Variants in PRKAA2 observed in about 807,000 individuals in gnomAD.
The protein encoded by PRKAA2 is protein kinase AMP-activated catalytic subunit alpha 2.
In PRKAA2, 40 loss-of-function variants were observed where a neutral mutation model predicts 56.3. The ratio of observed to expected loss-of-function variants is 0.71; its 90% CI spans 0.55 to 0.92. PRKAA2 has a LOEUF of 0.92. Ranked by LOEUF, PRKAA2 falls within the 40% of genes least tolerant of loss-of-function variation. The probability of loss-of-function intolerance (pLI) is 0.00; values close to 1 mark genes in which losing one functional copy is unlikely to be tolerated. For missense variants in PRKAA2, 542 were observed against 686.9 expected, an observed-to-expected ratio of 0.79 and a Z score of 2.36; for synonymous variants, 214 against 234.2, an observed-to-expected ratio of 0.91 and a Z score of 0.79.
chr1:56,681,788 G>C (rs928221976), intron 2 of PRKAA2, among the ~76,000 whole-genome samples: 5 of 152,152 alleles, frequency 3.3e-5, no homozygotes, highest in African/African-American at 1.2e-4. Context: ...GTCAGTTAGC[G>C]TGATGCCTCC....
rs773567229 is a variant in PRKAA2, at chr1:56,645,376, C to T, written c.-12C>T. ...AGCGGCAGGCGGTGGAGCGAGGCCG[C>T]GCGCGCCGAAGATGGCTGAGAAGCA... On this transcript the variant is annotated 5_prime_UTR_variant, in exon 1 of 9. Coordinates refer to ENST00000371244, the MANE Select transcript of PRKAA2 (RefSeq NM_006252.4). The T allele has an allele frequency of 1.4e-6, 2 of 1,463,920 alleles. No individual in the cohort carries two copies. The highest frequency in any genetic ancestry group is 1.2e-5 in the South Asian group (1 of 80,096). The allele number at this position is 1,463,920 out of a possible 1,614,324, so 90.7% of individuals were successfully genotyped here.
At chr1:56,681,925 G>A (rs1644158011) in intron 2 of PRKAA2, among the ~76,000 whole-genome samples, 1 of 151,806 alleles carries the variant, frequency 6.6e-6, no homozygotes, top group Non-Finnish European at 1.5e-5. Context: ...GGATGGCATT[G>A]AATCTATAAT....
intron 6 of PRKAA2, among the ~76,000 whole-genome samples, chr1:56,700,908 G>A (rs552508920): frequency 6.6e-6 from 1 of 152,272 alleles, no homozygotes; most frequent in Admixed American, 6.5e-5. Context: ...CTGCCCAGGA[G>A]CTGGACAAAG....
Position 56,691,397 on chromosome 1 carries a change from C to T in PRKAA2, c.240C>T (p.Tyr80=). The T allele has an allele frequency of 6.2e-7, 1 of 1,607,118 alleles. No individual in the cohort carries two copies. Among genetic ancestry groups the T allele is most frequent in the Non-Finnish European group, 8.5e-7 (1 of 1,175,744 alleles). Residue 80 remains tyrosine, a synonymous_variant, in exon 3 of 9, where the codon TAC becomes TAT. Transcript: ENST00000371244. The part of the protein sequence containing the change: ...LFRHPHIIKL[Y]QVISTPTDFF... ...CTTTTTTTAATTAACAAAAAAGATA[C>T]CAGGTGATCAGCACTCCAACAGATT...
At chr1:56,661,834 A>G (rs1643996659) in intron 1 of PRKAA2, among the ~76,000 whole-genome samples, 2 of 152,030 alleles carry the variant, frequency 1.3e-5, no homozygotes, top group African/African-American at 2.4e-5. Flanking sequence ...TTGAGATGCA[A>G]TACTTTTGAA....
intron 1 of PRKAA2, among the ~76,000 whole-genome samples, chr1:56,654,131 A>C (rs1019054876): frequency 3.3e-5 from 5 of 152,112 alleles, no homozygotes; most frequent in African/African-American, 9.7e-5. Context: ...CTTTATCTTA[A>C]CATATCCATA....
intron 1 of PRKAA2, among the ~76,000 whole-genome samples, chr1:56,665,793 A>G (rs951586420): frequency 1.3e-5 from 2 of 152,286 alleles, no homozygotes; most frequent in Non-Finnish European, 2.9e-5. Flanking sequence ...CTGATGACCC[A>G]TGATATTGAG....
chr1:56,650,777 A>G lies in PRKAA2; in HGVS notation c.94+5296A>G, dbSNP rs1646681156. On this transcript the variant is annotated intron_variant, in intron 1 of 8. Coordinates refer to ENST00000371244, the MANE Select transcript of PRKAA2 (RefSeq NM_006252.4). ...GTCGGCAAAGTCTCACGAAGAAGTTACCCTTTCCATTTTTCAAATAGTTAC... is the reference window on the plus strand; with the variant it reads ...GTCGGCAAAGTCTCACGAAGAAGTTGCCCTTTCCATTTTTCAAATAGTTAC... Among the ~76,000 whole-genome samples, 3 of 152,310 alleles carry G rather than the reference A, an allele frequency of 2.0e-5. No homozygotes were observed. The South Asian group carries it at 6.2e-4, about 32-fold the overall frequency.
At chr1:56,683,071 ATTTTTTTTTTT>A (rs10606990) in intron 2 of PRKAA2, among the ~76,000 whole-genome samples, 28 of 87,212 alleles carry the variant, frequency 3.2e-4, no homozygotes, top group Admixed American at 6.1e-4. Context: ...AAAGAAAGGA[ATTTTTTTTTTT>A]TTTTTTTTTT....
chr1:56,651,187 T>A (rs1432103232), intron 1 of PRKAA2, among the ~76,000 whole-genome samples: 1 of 152,182 alleles, frequency 6.6e-6, no homozygotes, highest in Non-Finnish European at 1.5e-5. Flanking sequence ...TCCAAAAAAA[T>A]GGGTATATTT....
chr1:56,696,336 G>A (rs1474508123), intron 6 of PRKAA2, among the ~76,000 whole-genome samples, 177 bp downstream of exon 6: 1 of 152,030 alleles, frequency 6.6e-6, no homozygotes, highest in Non-Finnish European at 1.5e-5. Context: ...ATGCCTTCAT[G>A]TCTTTGTTTA....
chr1:56,659,460 G>A (rs1451126741), intron 1 of PRKAA2, among the ~76,000 whole-genome samples: 4 of 145,742 alleles, frequency 2.7e-5, no homozygotes, highest in Admixed American at 1.4e-4. Context: ...TCATGCCACC[G>A]CACTCTAGCC....
intron 2 of PRKAA2, among the ~76,000 whole-genome samples, chr1:56,683,455 A>T (rs946608262): frequency 3.3e-5 from 5 of 152,172 alleles, no homozygotes; most frequent in Non-Finnish European, 5.9e-5. Context: ...TTTGGTGCAC[A>T]GAGTATGTAT....
chr1:56,690,852 C>T (rs1382434025), intron 2 of PRKAA2, among the ~76,000 whole-genome samples: 1 of 152,170 alleles, frequency 6.6e-6, no homozygotes, highest in African/African-American at 2.4e-5. Context: ...CAACATGAAG[C>T]CTATGCTTTT....
rs545184572 is a variant in PRKAA2 at position 56,678,431 on chromosome 1, T to A, written c.236+3909T>A. Among the ~76,000 whole-genome samples, 12 of 152,234 alleles carry A rather than the reference T, an allele frequency of 7.9e-5. No homozygotes were observed. The East Asian group carries it at 1.4e-3, about 17-fold the overall frequency. ...TTAGCAAGAAAGTTTGAGCATTGAA[T>A]GCCAAGAATGAAGGATATTTATTGC... On this transcript the variant is annotated intron_variant, in intron 2 of 8. Coordinates refer to ENST00000371244, the MANE Select transcript of PRKAA2 (RefSeq NM_006252.4).
At chr1:56,694,538 T>C (rs1426029915) in intron 5 of PRKAA2, among the ~76,000 whole-genome samples, 1 of 152,140 alleles carries the variant, frequency 6.6e-6, no homozygotes, top group African/African-American at 2.4e-5. Context: ...ACAACAGAAA[T>C]GTATTTCTCA....
intron 2 of PRKAA2, among the ~76,000 whole-genome samples, chr1:56,682,920 G>T (rs985156340): frequency 1.3e-5 from 2 of 152,104 alleles, no homozygotes; most frequent in African/African-American, 4.8e-5. Context: ...CACTGTGTTG[G>T]ACAGAGCAGA....
At chr1:56,698,297 C>A (rs1056683798) in intron 6 of PRKAA2, among the ~76,000 whole-genome samples, 6 of 152,004 alleles carry the variant, frequency 3.9e-5, no homozygotes, top group Non-Finnish European at 8.8e-5. Context: ...TACAAAATAC[C>A]AAGCATTCTG....
intron 6 of PRKAA2, among the ~76,000 whole-genome samples, chr1:56,702,771 G>T (rs1644305143): frequency 6.6e-6 from 1 of 152,136 alleles, no homozygotes; most frequent in Admixed American, 6.5e-5. Flanking sequence ...CTGATCACCT[G>T]CCTCTCATTC....
Sources: allele counts gnomAD v4.1 joint callset (sites outside exome capture counted in the v4.1 genomes callset), GRCh38; gene constraint gnomAD v4.1.1; transcripts MANE v1.5; gene names NCBI Gene and HGNC (gene_info 2026-07-23, HGNC 2026-07-21).